CACNA2D3: variants seen among roughly 807,000 people sequenced by gnomAD.
CACNA2D3 encodes the protein calcium voltage-gated channel auxiliary subunit alpha2delta 3, also known as voltage-dependent calcium channel subunit alpha-2/delta-3.
CACNA2D3 carries 60 observed loss-of-function variants against 160.6 expected under a neutral mutation model. That is an observed-to-expected ratio of 0.37 (90% CI 0.30 to 0.46). CACNA2D3 has a LOEUF of 0.46. Among genes scored for constraint, CACNA2D3 ranks in the 20% least tolerant of loss-of-function variants. The pLI is 1.00. For synonymous variants in CACNA2D3, 558 were observed against 492.9 expected, an observed-to-expected ratio of 1.13 and a Z score of -1.75; for missense variants, 1,205 against 1,365.0, an observed-to-expected ratio of 0.88 and a Z score of 1.85.
intron 2 of CACNA2D3, among the ~76,000 whole-genome samples, chr3:54,152,171 ACTGT>A (rs1470041919): frequency 6.6e-6 from 1 of 152,104 alleles, no homozygotes; most frequent in African/African-American, 2.4e-5. Flanking sequence ...GAGGGCAGAG[ACTGT>A]CTGCTTCAGC....
At chr3:54,289,819 A>G (rs1703139415) in intron 2 of CACNA2D3, among the ~76,000 whole-genome samples, 1 of 152,104 alleles carries the variant, frequency 6.6e-6, no homozygotes, top group Admixed American at 6.5e-5. Flanking sequence ...AGGATTCCCT[A>G]TTTAATAAAT....
At position 54,640,247 on chromosome 3, in the gene CACNA2D3, TTA is replaced by T. The variant is rs532642837; in HGVS notation, c.1054-1879_1054-1878del. On this transcript the variant is annotated intron_variant, in intron 10 of 37. Coordinates refer to ENST00000474759, the MANE Select transcript of CACNA2D3 (RefSeq NM_018398.3). ...AAGCTAAGTGAGGGAAGAGATTTTT[TTA>T]TGTTTCATTCCTAGTGCTGTGTGGG... Among the ~76,000 whole-genome samples, 26 of 152,338 alleles carry T rather than the reference TTA, an allele frequency of 1.7e-4. No homozygotes were observed. The South Asian group carries it at 5.2e-3, about 30-fold the overall frequency.
chr3:54,161,882 C>T (rs148449346), intron 2 of CACNA2D3, among the ~76,000 whole-genome samples: 1 of 152,292 alleles, frequency 6.6e-6, no homozygotes, highest in African/African-American at 2.4e-5. Context: ...TGGGGAGTCA[C>T]CACTGTGTGC....
chr3:54,770,041 CG>C (rs1205588343), intron 13 of CACNA2D3, among the ~76,000 whole-genome samples: 1 of 152,148 alleles, frequency 6.6e-6, no homozygotes, highest in Non-Finnish European at 1.5e-5. Context: ...AAGGGAAATA[CG>C]GTAGCAGCCC....
Position 54,729,692 on chromosome 3 carries a change from CTA to C in CACNA2D3, c.1168-22905_1168-22904del, listed in dbSNP as rs369679807. On this transcript the variant is annotated intron_variant, in intron 11 of 37. Transcript: ENST00000474759. The stretch of plus-strand genomic sequence containing the variant: ...CTGAATGCTAATTGTTAATGGTACT[CTA>C]TGTTTTAAAAATCAGTGTTTATGGG... Among the ~76,000 whole-genome samples, 72 of 152,202 alleles carry C rather than the reference CTA, an allele frequency of 4.7e-4. No homozygotes were observed. The East Asian group carries it at 0.014, about 29-fold the overall frequency.
intron 5 of CACNA2D3, among the ~76,000 whole-genome samples, chr3:54,525,274 A>G (rs935689121): frequency 3.3e-5 from 5 of 152,128 alleles, no homozygotes; most frequent in Admixed American, 3.3e-4. Context: ...TTTGGCAAAT[A>G]TATTACCTCT....
chr3:55,027,715 GT>G (rs111832292), intron 35 of CACNA2D3, among the ~76,000 whole-genome samples: 1,876 of 152,300 alleles, frequency 0.012, 41 homozygotes, highest in African/African-American at 0.042. Flanking sequence ...TGGAAATTGA[GT>G]TTGGTGAAAA....
chr3:54,993,273 T>A (rs1281410379), intron 31 of CACNA2D3, among the ~76,000 whole-genome samples: 2 of 152,176 alleles, frequency 1.3e-5, no homozygotes, highest in African/African-American at 4.8e-5. Context: ...ACACTCTGGG[T>A]TAATCTCAGG....
rs1216260667 is a variant in CACNA2D3 at position 54,278,907 on chromosome 3, G to T, written c.205-41535G>T. On this transcript the variant is annotated intron_variant, in intron 2 of 37. Coordinates refer to ENST00000474759, the MANE Select transcript of CACNA2D3 (RefSeq NM_018398.3). ...TAGATGACGGGTTGATGGGTGCAGTGAACCACCATGTCACGTGTATACCTA... is the reference window on the plus strand; with the variant it reads ...TAGATGACGGGTTGATGGGTGCAGTTAACCACCATGTCACGTGTATACCTA... Among the ~76,000 whole-genome samples, 4 of 152,082 alleles carry T rather than the reference G, an allele frequency of 2.6e-5. No individual in the cohort carries two copies. The South Asian group carries it at 8.3e-4, about 32-fold the overall frequency.
At chr3:54,725,535 T>C (rs1427755127) in intron 11 of CACNA2D3, among the ~76,000 whole-genome samples, 1 of 152,138 alleles carries the variant, frequency 6.6e-6, no homozygotes, top group Non-Finnish European at 1.5e-5. Flanking sequence ...GCAAACCAAA[T>C]CTAGCAGCAT....
chr3:54,156,569 A>C (rs1700249111), intron 2 of CACNA2D3, among the ~76,000 whole-genome samples: 1 of 152,080 alleles, frequency 6.6e-6, no homozygotes, highest in South Asian at 2.1e-4. Context: ...CCCGGTCTTC[A>C]TGTTCTTATA....
chr3:54,245,096 A>G (rs984816687), intron 2 of CACNA2D3, among the ~76,000 whole-genome samples: 5 of 152,312 alleles, frequency 3.3e-5, no homozygotes, highest in Admixed American at 3.3e-4. Flanking sequence ...TATTAATGTC[A>G]TTCCCTTTCA....
chr3:54,752,669 C>G lies in CACNA2D3; in HGVS notation c.1238C>G (p.Ala413Gly), dbSNP rs1275953758. 8 of 1,611,718 alleles carry G rather than the reference C, an allele frequency of 5.0e-6. No individual in the cohort carries two copies. The highest frequency in any genetic ancestry group is 5.9e-6 in the Non-Finnish European group (7 of 1,178,808). ...FADNLKWMAC[A>G]NKGFFTQIST... ...GACAATCTAAAGTGGATGGCCTGTG[C>G]CAACAAAGGTGGGTCTTCGCATTGT... Residue 413 changes from alanine (A) to glycine (G), a missense_variant, in exon 12 of 38, where the codon GCC (alanine) becomes GGC (glycine). Coordinates refer to ENST00000474759, the MANE Select transcript of CACNA2D3 (RefSeq NM_018398.3).
chr3:54,521,478 C>T (rs564480260), intron 5 of CACNA2D3, among the ~76,000 whole-genome samples: 1 of 152,108 alleles, frequency 6.6e-6, no homozygotes, highest in African/African-American at 2.4e-5. Flanking sequence ...CAAATATTTT[C>T]TCTGATTCTG....
chr3:54,505,145 G>C (rs1435343899), intron 5 of CACNA2D3, among the ~76,000 whole-genome samples: 3 of 152,158 alleles, frequency 2.0e-5, no homozygotes, highest in Non-Finnish European at 4.4e-5. Context: ...CCATCCTTAA[G>C]AGTCAGTGGA....
At chr3:54,278,507 A>C (rs1355002691) in intron 2 of CACNA2D3, among the ~76,000 whole-genome samples, 1 of 152,232 alleles carries the variant, frequency 6.6e-6, no homozygotes, top group African/African-American at 2.4e-5. Context: ...AAGGATTATA[A>C]ATCATTCTAC....
At chr3:54,718,734 C>T (rs1242529838) in intron 11 of CACNA2D3, among the ~76,000 whole-genome samples, 2 of 151,930 alleles carry the variant, frequency 1.3e-5, no homozygotes, top group South Asian at 2.1e-4. Context: ...ACTTTGATTG[C>T]GATTGAGTTG....
At chr3:54,810,129 G>T (rs1445316995) in intron 13 of CACNA2D3, among the ~76,000 whole-genome samples, 1 of 152,138 alleles carries the variant, frequency 6.6e-6, no homozygotes, top group East Asian at 1.9e-4. Flanking sequence ...GAAGTTGTCG[G>T]GGCAGAGCAT....
At chr3:54,898,415 G>T (rs1193481179) in intron 26 of CACNA2D3, among the ~76,000 whole-genome samples, 1 of 151,884 alleles carries the variant, frequency 6.6e-6, no homozygotes, top group Non-Finnish European at 1.5e-5. Context: ...TAGAGTTGGG[G>T]TTTCACCATG....
Sources: allele counts gnomAD v4.1 joint callset (sites outside exome capture counted in the v4.1 genomes callset), GRCh38; gene constraint gnomAD v4.1.1; transcripts MANE v1.5; gene names NCBI Gene and HGNC (gene_info 2026-07-23, HGNC 2026-07-21).